The following CSPG4 variants were observed in gnomAD, a reference collection of about 807,000 sequenced individuals.
CSPG4 encodes the protein chondroitin sulfate proteoglycan 4.
In CSPG4, 74 loss-of-function variants were observed where a neutral mutation model predicts 139.3. The ratio of observed to expected loss-of-function variants is 0.53; its 90% CI spans 0.44 to 0.64. The LOEUF (loss-of-function observed/expected upper bound fraction) is 0.64. Ranked by LOEUF, CSPG4 falls within the 30% of genes least tolerant of loss-of-function variation. The pLI is 0.00. For missense variants in CSPG4, 2,565 were observed against 3,148.3 expected (o/e 0.81, Z 4.43); for synonymous variants, 1,234 against 1,394.2 (o/e 0.89, Z 2.56).
intron 2 of CSPG4, among the ~76,000 whole-genome samples, chr15:75,691,638 C>A (rs1894166268): frequency 6.6e-6 from 1 of 152,172 alleles, no homozygotes; most frequent in Admixed American, 6.5e-5. Flanking sequence ...ACTCTGTGTT[C>A]TGAAAAAAAG....
rs1444933358 is a variant in CSPG4, at chr15:75,700,700, C to T, written c.89-7467G>A. Among the ~76,000 whole-genome samples, 4 of 152,238 alleles carry T rather than the reference C, an allele frequency of 2.6e-5. No homozygotes were observed. In the East Asian group the frequency reaches 7.8e-4, roughly 30 times the overall value. On this transcript the variant is annotated intron_variant, in intron 1 of 9. Coordinates refer to ENST00000308508, the MANE Select transcript of CSPG4 (RefSeq NM_001897.5). ...TCTGAGTTCCCCTTGGCTCTGGCAG[C>T]AGAAACTGCTGAAGACAGGGCTGCT...
At position 75,698,521 on chromosome 15, in the gene CSPG4, A is replaced by C. The variant is rs570185883; in HGVS notation, c.89-5288T>G. Among the ~76,000 whole-genome samples, 1 of 151,816 alleles carries C rather than the reference A, an allele frequency of 6.6e-6. No homozygotes were observed. The highest frequency in any genetic ancestry group is 2.0e-4 in the East Asian group (1 of 5,118). On this transcript the variant is annotated intron_variant, in intron 1 of 9. Coordinates refer to ENST00000308508, the MANE Select transcript of CSPG4 (RefSeq NM_001897.5). This position sits in a 1 kb window ranked among gnomAD's most constrained non-coding sequence, Gnocchi z 4.3. ...TTCCGCCACCAATCTACTTCCAACC[A>C]AGCAGGCAGGGCATGGGTGAGTGTG...
In CSPG4 at chr15:75,682,910, C is replaced by G. The variant is rs746752555; in HGVS notation, c.4581G>C (p.Pro1527=). 11 of 1,610,626 alleles carry G rather than the reference C, an allele frequency of 6.8e-6. No homozygotes were observed. Among genetic ancestry groups the G allele is most frequent in the African/African-American group, 1.3e-5 (1 of 74,836 alleles). ...GCGTGAAGCTGCGCACCTCAGTGCCCGGCGCCCCCCGCAGCACTACCCGCC... is the reference window on the plus strand; with the variant it reads ...GCGTGAAGCTGCGCACCTCAGTGCCGGGCGCCCCCCGCAGCACTACCCGCC... The part of the protein sequence containing the change: ...SNGRVVLRGA[P]GTEVRSFTQA... Residue 1527 remains proline (P), a synonymous_variant, in exon 6 of 10, where the codon CCG becomes CCC. Transcript: ENST00000308508.
chr15:75,701,975 A>G (rs546169828), intron 1 of CSPG4, among the ~76,000 whole-genome samples: 1 of 152,048 alleles, frequency 6.6e-6, no homozygotes, highest in Non-Finnish European at 1.5e-5. Flanking sequence ...CTTCAACTTC[A>G]TCTTCCTCTC....
chr15:75,712,548 G>T, intron 1 of CSPG4, 120 bp downstream of exon 1: 2 of 963,620 alleles, frequency 2.1e-6, no homozygotes, highest in South Asian at 3.0e-5. Context: ...GGTGGGAGAA[G>T]CGCAGCCTGC....
In CSPG4 at chr15:75,690,431, G is replaced by C; in HGVS notation, c.634C>G (p.Leu212Val). ...GTGCCCCAGGCAGGGAAGGCAGCCA[G>C]AGAGTGGGGCCCAGAGAAGCCCAGG... ...VALGFSGPHS[L>V]AAFPAWGTQD... The change falls in exon 3 of 10, where the codon CTG becomes GTG. Residue 212 changes from leucine (L) to valine (V), a missense_variant. Physicochemically the swap from Leu to Val is conservative, Grantham distance 32. Transcript: ENST00000308508. 1 of 1,607,920 alleles carries C rather than the reference G, an allele frequency of 6.2e-7. No homozygotes were observed. Among genetic ancestry groups the C allele is most frequent in the Non-Finnish European group, 8.5e-7 (1 of 1,177,494 alleles).
Position 75,693,229 on chromosome 15 carries a change from G to A in CSPG4, c.93C>T (p.Ser31=), listed in dbSNP as rs1333920317. The change falls in exon 2 of 10, where the codon TCC becomes TCT. Residue 31 remains serine (S), a synonymous_variant. Coordinates refer to ENST00000308508, the MANE Select transcript of CSPG4 (RefSeq NM_001897.5). ...TMLARLASAA[S]FFGENHLEVP... ...CCTCCAGGTGGTTCTCACCGAAGAA[G>A]GAAGCTGTGTGAGAGAGGGAGCTGT... The A allele has an allele frequency of 6.2e-6, 10 of 1,600,628 alleles. No homozygotes were observed. The highest frequency in any genetic ancestry group is 8.5e-6 in the Non-Finnish European group (10 of 1,173,684).
intron 5 of CSPG4, among the ~76,000 whole-genome samples, chr15:75,683,376 C>G (rs1362883348): frequency 6.6e-6 from 1 of 152,206 alleles, no homozygotes; most frequent in Non-Finnish European, 1.5e-5. Context: ...CAGAAACCCC[C>G]AGCGCTGACC....
At position 75,675,729 on chromosome 15, in the gene CSPG4, G is replaced by A; in HGVS notation, c.6790C>T (p.Pro2264Ser). The A allele has an allele frequency of 3.8e-6, 6 of 1,599,336 alleles. No individual in the cohort carries two copies. Among genetic ancestry groups the A allele is most frequent in the South Asian group, 1.1e-5 (1 of 89,712 alleles). The change falls in exon 10 of 10, where the codon CCC becomes TCC. Residue 2264 changes from proline (P) to serine (S), a missense_variant. Around this residue, in one of 5 missense-constraint regions of CSPG4, gnomAD observed 2,316 missense variants for 2,818.2 expected, o/e 0.82. Coordinates refer to ENST00000308508, the MANE Select transcript of CSPG4 (RefSeq NM_001897.5). ...GTGTCACCAGCCAGGCCGTTGCGGG[G>A]CTTGGCAGTCAGGACCTGGACGTCA... The part of the protein sequence containing the change: ...KHDVQVLTAK[P>S]RNGLAGDTET...
In CSPG4 at chr15:75,687,849, A is replaced by C. The variant is rs1894085643; in HGVS notation, c.3216T>G (p.Asp1072Glu). ...AGCGGTAGATGGGCCGCGTGGGCTC[A>C]TCTACGGCCACGATACTGCCAAAGA... ...DLLFGSIVAV[D>E]EPTRPIYRFT... Residue 1072 changes from aspartate (D) to glutamate (E), a missense_variant, in exon 3 of 10, where the codon GAT becomes GAG. Transcript: ENST00000308508. The surrounding 1 kb of genome is among the most constrained non-coding windows in gnomAD (Gnocchi z 5.4). The C allele has an allele frequency of 6.2e-7, 1 of 1,612,906 alleles. No homozygotes were observed. The highest frequency in any genetic ancestry group is 8.5e-7 in the Non-Finnish European group (1 of 1,180,020).
chr15:75,676,253 G>C lies in CSPG4; in HGVS notation c.6266C>G (p.Pro2089Arg). The C allele has an allele frequency of 6.4e-7, 1 of 1,564,166 alleles. No individual in the cohort carries two copies. The highest frequency in any genetic ancestry group is 8.6e-7 in the Non-Finnish European group (1 of 1,161,162). Residue 2089 changes from proline to arginine, a missense_variant, in exon 10 of 10, where the codon CCC becomes CGC. Pro to Arg is a moderately radical substitution (Grantham distance 103). Coordinates refer to ENST00000308508, the MANE Select transcript of CSPG4 (RefSeq NM_001897.5). ...CACGCGGACCACGCGGCCATGCCGG[G>C]GTCCCTCCAGGAGGCGGAAGCGCGG... ...SVPRFRLLEGPRHGRVVRVPR... is the reference protein window; with the variant it reads ...SVPRFRLLEGRRHGRVVRVPR...
rs1894138475 is a variant in CSPG4, at chr15:75,690,029, C to T, written c.1036G>A (p.Ala346Thr). 6.2e-7 allele frequency: 1 copy of T among 1,611,682 alleles called. No homozygotes were observed. Among genetic ancestry groups the T allele is most frequent in the Non-Finnish European group, 8.5e-7 (1 of 1,179,558 alleles). Residue 346 changes from alanine to threonine, a missense_variant, in exon 3 of 10, where the codon GCC (alanine) becomes ACC (threonine). Physicochemically the swap from Ala to Thr is moderately conservative, Grantham distance 58 (BLOSUM62 0). Around this residue, in one of 5 missense-constraint regions of CSPG4, gnomAD observed 2,316 missense variants for 2,818.2 expected, o/e 0.82. Transcript: ENST00000308508. ...QEHRLGLTPE[A>T]TNASLLGCME... ...CAGCCCAGCAGGGAGGCATTGGTGG[C>T]CTCTGGTGTCAGGCCCAGGCGGTGT...
intron 1 of CSPG4, among the ~76,000 whole-genome samples, chr15:75,700,925 G>T (rs1894293734): frequency 6.6e-6 from 1 of 152,146 alleles, no homozygotes; most frequent in South Asian, 2.1e-4. Context: ...TACAGAGGGT[G>T]GGCTCACCCC....
At position 75,675,194 on chromosome 15, in the gene CSPG4, C is replaced by G. The variant is rs1363480454; in HGVS notation, c.*356G>C. 6.7e-6 allele frequency: 2 copies of G among 296,784 alleles called. No homozygotes were observed. The highest frequency in any genetic ancestry group is 3.3e-4 in the South Asian group (2 of 6,140). 18.4% of individuals were successfully genotyped at this position (296,784 alleles called of 1,614,324 possible). ...TCCTTGCCCTCTTAGCAGCCTGGGT[C>G]AGGCGCGACTTACCCAAGGTCACAG... On this transcript the variant is annotated 3_prime_UTR_variant, in exon 10 of 10. Coordinates refer to ENST00000308508, the MANE Select transcript of CSPG4 (RefSeq NM_001897.5).
rs199703779 is a variant in CSPG4 at position 75,682,714 on chromosome 15, C to T, written c.4676G>A (p.Arg1559His). The T allele has an allele frequency of 1.4e-4, 230 of 1,612,916 alleles. No homozygotes were observed. The highest frequency in any genetic ancestry group is 1.8e-4 in the Non-Finnish European group (215 of 1,179,992). Reference protein sequence around the residue: ...RGTLDGGFRFRLSDGEHTSPG... With the variant: ...RGTLDGGFRFHLSDGEHTSPG... ...GGAAGTGTGCTCGCCGTCAGAGAGG[C>T]GGAAGCGGAAGCCTCCATCCAGGGT... The change falls in exon 7 of 10, where the codon CGC becomes CAC. Residue 1559 changes from arginine (R) to histidine (H), a missense_variant. Transcript: ENST00000308508.
chr15:75,675,477 A>T lies in CSPG4; in HGVS notation c.*73T>A. The T allele has an allele frequency of 2.2e-6, 3 of 1,391,814 alleles. No homozygotes were observed. The highest frequency in any genetic ancestry group is 2.8e-6 in the Non-Finnish European group (3 of 1,065,228). The allele number at this position is 1,391,814 out of a possible 1,614,324, so 86.2% of individuals were successfully genotyped here. A position where few individuals can be genotyped will look rare whatever the true frequency, so the allele number is the denominator to read the frequency against. On this transcript the variant is annotated 3_prime_UTR_variant, in exon 10 of 10. Coordinates refer to ENST00000308508, the MANE Select transcript of CSPG4 (RefSeq NM_001897.5). ...TGGGGATACTCAGACAGCACCAGGC[A>T]TGGAAGCAATGGGGCCCGGGACATG...
chr15:75,675,805 G>A lies in CSPG4; in HGVS notation c.6714C>T (p.Leu2238=), dbSNP rs1464590656. The A allele has an allele frequency of 1.2e-5, 20 of 1,613,334 alleles. No homozygotes were observed. Among genetic ancestry groups the A allele is most frequent in the East Asian group, 2.2e-5 (1 of 44,892 alleles). Residue 2238 remains leucine, a synonymous_variant, in exon 10 of 10, where the codon CTC becomes CTT. Coordinates refer to ENST00000308508, the MANE Select transcript of CSPG4 (RefSeq NM_001897.5). ...PMCLVLLLLA[L]ILPLLFYLRK... ...GGAGGTAGAAGAGCAGGGGCAGGAT[G>A]AGCGCCAGGAGCAGAAGTACCAGGC...
In CSPG4 at chr15:75,688,304, G is replaced by A; in HGVS notation, c.2761C>T (p.His921Tyr). Residue 921 changes from histidine to tyrosine, a missense_variant, in exon 3 of 10, where the codon CAC becomes TAC. Physicochemically the swap from His to Tyr is moderately conservative, Grantham distance 83 (BLOSUM62 2). Transcript: ENST00000308508. ...CTGTTGAGACTCTTGACAAAGAGGT[G>A]GTCAGCAGAGAGGACACCCTCACCA... ...EGGEGVLSAD[H>Y]LFVKSLNSAS... is the part of the protein sequence containing the mutation. 1.2e-6 allele frequency: 2 copies of A among 1,613,156 alleles called. No individual in the cohort carries two copies. Among genetic ancestry groups the A allele is most frequent in the African/African-American group, 1.3e-5 (1 of 75,058 alleles).
chr15:75,685,357 T>C lies in CSPG4; in HGVS notation c.4134A>G (p.Pro1378=). The C allele has an allele frequency of 2.5e-6, 4 of 1,610,364 alleles. No homozygotes were observed. The highest frequency in any genetic ancestry group is 3.4e-6 in the Non-Finnish European group (4 of 1,179,026). ...PEGGSLTLAP[P]LLRVSGPYFP... ...AGTAGGGCCCGGAGACACGGAGCAG[T>C]GGAGGGGCCAGGGTGAGGCTGCCAC... The change falls in exon 4 of 10, where the codon CCA becomes CCG. Residue 1378 remains proline (P), a synonymous_variant. Transcript: ENST00000308508.
Sources: gnomAD v4.1 joint callset for allele counts (sites outside exome capture counted in the v4.1 genomes callset) on GRCh38, gnomAD v4.1.1 for gene constraint, gnomAD v4.1.1 regional missense constraint, Gnocchi (gnomAD v3.1) non-coding constraint, MANE v1.5 for transcripts, NCBI Gene and HGNC (gene_info 2026-07-23, HGNC 2026-07-21) for gene names.